Variants in GPR63 observed in about 807,000 individuals in gnomAD.
The protein encoded by GPR63 is probable G protein-coupled receptor 63.
A neutral mutation model predicts 23.1 loss-of-function variants in GPR63; 12 were observed. That is an observed-to-expected ratio of 0.52 (90% CI 0.33 to 0.84). The LOEUF is 0.84. Among genes scored for constraint, GPR63 ranks in the 40% least tolerant of loss-of-function variants. The probability of loss-of-function intolerance (pLI) is 0.02; values close to 1 mark genes in which losing one functional copy is unlikely to be tolerated. For synonymous variants in GPR63, 172 were observed against 191.1 expected, an observed-to-expected ratio of 0.90 and a Z score of 0.82; for missense variants, 472 against 515.6, an observed-to-expected ratio of 0.92 and a Z score of 0.82.
chr6:96,818,399 G>A (rs751366943), intron 1 of GPR63, among the ~76,000 whole-genome samples: 1 of 151,988 alleles, frequency 6.6e-6, no homozygotes. Flanking sequence ...GGAGGCAGAT[G>A]TTGCAATGAG....
intron 1 of GPR63, among the ~76,000 whole-genome samples, chr6:96,831,912 A>T (rs1163009229): frequency 1.3e-5 from 2 of 151,976 alleles, no homozygotes; most frequent in South Asian, 2.1e-4. Flanking sequence ...TCACAAAAAA[A>T]AAATAAAAAA....
chr6:96,802,599 G>A (rs1433864786), intron 1 of GPR63, among the ~76,000 whole-genome samples: 2 of 150,168 alleles, frequency 1.3e-5, no homozygotes, highest in South Asian at 2.1e-4. Context: ...GAGTGCAGTG[G>A]CACAGTCTTG....
In GPR63 at chr6:96,799,857, C is replaced by T. The variant is rs534426028; in HGVS notation, c.-126G>A. ...CATTCTGGAAAATGGACAATGAGTT[C>T]CATCTTCCACAAGAGTCCTTTTGCC... On this transcript the variant is annotated 5_prime_UTR_variant, in exon 2 of 2. The change creates a premature stop within an existing upstream ORF in the 5' untranslated region. Transcript: ENST00000229955. 1.7e-4 allele frequency: 157 copies of T among 908,536 alleles called. No individual in the cohort carries two copies. The highest frequency in any genetic ancestry group is 1.6e-3 in the African/African-American group (99 of 60,718). The allele number at this position is 908,536 out of a possible 1,614,324, so 56.3% of individuals were successfully genotyped here. A position where few individuals can be genotyped will look rare whatever the true frequency, so the allele number is the denominator to read the frequency against.
chr6:96,810,138 G>A (rs1774004090), intron 1 of GPR63, among the ~76,000 whole-genome samples: 1 of 152,128 alleles, frequency 6.6e-6, no homozygotes, highest in African/African-American at 2.4e-5. Flanking sequence ...AGATAAGAAT[G>A]TTCATTGTAG....
chr6:96,805,300 C>T (rs372607939), intron 1 of GPR63, among the ~76,000 whole-genome samples: 1 of 152,190 alleles, frequency 6.6e-6, no homozygotes, highest in East Asian at 1.9e-4. Context: ...GGGGTTGGTG[C>T]CATACCCTTT....
At chr6:96,805,969 G>A (rs1773886304) in intron 1 of GPR63, among the ~76,000 whole-genome samples, 1 of 152,128 alleles carries the variant, frequency 6.6e-6, no homozygotes, top group Non-Finnish European at 1.5e-5. Context: ...CTGGTACATG[G>A]CTATTGATCT....
chr6:96,830,761 G>T (rs180896402), intron 1 of GPR63, among the ~76,000 whole-genome samples: 19 of 152,284 alleles, frequency 1.2e-4, no homozygotes, highest in Admixed American at 2.6e-4. Flanking sequence ...ATAAAAGGGA[G>T]AATTTCTCTC....
At position 96,798,490 on chromosome 6, in the gene GPR63, T is replaced by C. The variant is rs745991078; in HGVS notation, c.1242A>G (p.Glu414=). The C allele has an allele frequency of 1.2e-6, 2 of 1,612,906 alleles. No individual in the cohort carries two copies. The highest frequency in any genetic ancestry group is 4.5e-5 in the East Asian group (2 of 44,840). ...IRPSAVYVCG[E]HRTVV ...CCAATATTCACACCACCGTCCGATG[T>C]TCCCCACACACATAGACAGCACTAG... is the stretch of plus-strand genomic sequence containing the variant. Residue 414 remains glutamate (E), a synonymous_variant, in exon 2 of 2, where the codon GAA becomes GAG. Coordinates refer to ENST00000229955, the MANE Select transcript of GPR63 (RefSeq NM_030784.4).
chr6:96,834,236 A>G (rs937142270), intron 1 of GPR63, among the ~76,000 whole-genome samples: 1 of 152,242 alleles, frequency 6.6e-6, no homozygotes, highest in African/African-American at 2.4e-5. Context: ...GCCTCAAGCC[A>G]ACCAAATCCT....
At position 96,799,793 on chromosome 6, in the gene GPR63, G is replaced by A. The variant is rs1202946494; in HGVS notation, c.-62C>T. The stretch of plus-strand genomic sequence containing the variant: ...GGAGTTCTTCAAGCATTTCAACACA[G>A]AACAGCAGTATCAGGTCCCATTGAT... On this transcript the variant is annotated 5_prime_UTR_variant, in exon 2 of 2. Coordinates refer to ENST00000229955, the MANE Select transcript of GPR63 (RefSeq NM_030784.4). 1 of 1,540,002 alleles carries A rather than the reference G, an allele frequency of 6.5e-7. No individual in the cohort carries two copies. Among genetic ancestry groups the A allele is most frequent in the African/African-American group, 1.4e-5 (1 of 73,458 alleles).
At position 96,799,594 on chromosome 6, in the gene GPR63, A is replaced by G. The variant is rs1773705114; in HGVS notation, c.138T>C (p.Tyr46=). The G allele has an allele frequency of 3.1e-6, 5 of 1,614,092 alleles. No individual in the cohort carries two copies. The highest frequency in any genetic ancestry group is 2.2e-5 in the South Asian group (2 of 91,084). Residue 46 remains tyrosine, a synonymous_variant, in exon 2 of 2, where the codon TAT becomes TAC. Transcript: ENST00000229955. ...QHPDLSPLLR[Y]SFETMAPTGL... ...CAGTGGGAGCCATGGTTTCAAAACTATATCTAAGCAATGGACTGAGGTCAG... is the reference window on the plus strand; with the variant it reads ...CAGTGGGAGCCATGGTTTCAAAACTGTATCTAAGCAATGGACTGAGGTCAG...
At chr6:96,817,687 A>C (rs1774198883) in intron 1 of GPR63, among the ~76,000 whole-genome samples, 1 of 152,158 alleles carries the variant, frequency 6.6e-6, no homozygotes, top group South Asian at 2.1e-4. Context: ...ACTATAACGC[A>C]ACACATGGAT....
intron 1 of GPR63, among the ~76,000 whole-genome samples, chr6:96,801,125 C>T (rs1222829135): frequency 6.6e-6 from 1 of 151,936 alleles, no homozygotes; most frequent in African/African-American, 2.4e-5. Context: ...TTAATAAGCT[C>T]TTAAGAGACT....
chr6:96,799,295 C>T lies in GPR63; in HGVS notation c.437G>A (p.Arg146Gln), dbSNP rs368281435. Residue 146 changes from arginine to glutamine, a missense_variant, in exon 2 of 2, where the codon CGA becomes CAA. Arg to Gln is a conservative substitution (Grantham distance 43). Transcript: ENST00000229955. ...PFALVTILTT[R>Q]WIFGKFFCRV... ...ACAGAAGAATTTCCCAAAAATCCAT[C>T]GGGTAGTAAGAATAGTTACCAGGGC... is the stretch of plus-strand genomic sequence containing the variant. 202 of 1,613,916 alleles carry T rather than the reference C, an allele frequency of 1.3e-4. No homozygotes were observed. Among genetic ancestry groups the T allele is most frequent in the Admixed American group, 1.7e-4 (10 of 59,980 alleles).
chr6:96,836,013 T>C (rs1774718167), intron 1 of GPR63, among the ~76,000 whole-genome samples: 1 of 152,176 alleles, frequency 6.6e-6, no homozygotes, highest in South Asian at 2.1e-4. Context: ...ATTGATGTAA[T>C]CAATTATGTC....
At chr6:96,813,908 T>C (rs1405606903) in intron 1 of GPR63, among the ~76,000 whole-genome samples, 1 of 152,160 alleles carries the variant, frequency 6.6e-6, no homozygotes, top group Non-Finnish European at 1.5e-5. Context: ...TATGAACATC[T>C]GCATAAGACT....
chr6:96,814,481 C>T (rs1389700923), intron 1 of GPR63, among the ~76,000 whole-genome samples: 1 of 152,094 alleles, frequency 6.6e-6, no homozygotes, highest in African/African-American at 2.4e-5. Flanking sequence ...AAGTTATGTT[C>T]CCCATTTTCA....
At position 96,798,733 on chromosome 6, in the gene GPR63, G is replaced by A. The variant is rs1773664664; in HGVS notation, c.999C>T (p.Tyr333=). ...GCTTACTGAATGTTGCCACAAGGCT[G>A]TAAGTGGTGAATGGGGCCCAGCAGA... The part of the protein sequence containing the change: ...FIVCWAPFTT[Y]SLVATFSKHF... Residue 333 remains tyrosine, a synonymous_variant, in exon 2 of 2, where the codon TAC becomes TAT. Transcript: ENST00000229955. 2 of 1,614,092 alleles carry A rather than the reference G, an allele frequency of 1.2e-6. No homozygotes were observed. The highest frequency in any genetic ancestry group is 2.7e-5 in the African/African-American group (2 of 74,940).
chr6:96,824,875 T>C, intron 1 of GPR63, among the ~76,000 whole-genome samples: 1 of 152,048 alleles, frequency 6.6e-6, no homozygotes, highest in Non-Finnish European at 1.5e-5. Flanking sequence ...ACTAAAAGCT[T>C]TGCAAGATTA....
Sources: allele counts gnomAD v4.1 joint callset (sites outside exome capture counted in the v4.1 genomes callset), GRCh38; gene constraint gnomAD v4.1.1; transcripts MANE v1.5; gene names NCBI Gene and HGNC (gene_info 2026-07-23, HGNC 2026-07-21).